The following CBR4 variants were observed in gnomAD, a reference collection of about 807,000 sequenced individuals.
CBR4 encodes 3-oxoacyl-[acyl-carrier-protein] reductase.
CBR4 carries 22 observed loss-of-function variants against 21.0 expected under a neutral mutation model. The observed-to-expected ratio is 1.05, with a 90% CI of 0.75 to 1.50. CBR4 has a LOEUF of 1.50. Ranked by LOEUF, CBR4 falls within the 40% of genes most tolerant of loss-of-function variation. CBR4 has a pLI of 0.00. For missense variants in CBR4, 302 were observed against 286.3 expected, an observed-to-expected ratio of 1.05 and a Z score of -0.40; for synonymous variants, 100 against 104.4, an observed-to-expected ratio of 0.96 and a Z score of 0.26.
rs139652463 is a variant in CBR4, at chr4:168,898,961, C to T, written n.170-4196G>A. Among the ~76,000 whole-genome samples, 740 of 152,250 alleles carry T rather than the reference C, an allele frequency of 4.9e-3. 6 individuals carry two copies. Among genetic ancestry groups the T allele is most frequent in the Admixed American group, 5.5e-3 (84 of 15,296 alleles). On this transcript the variant is annotated intron_variant and non_coding_transcript_variant, in intron 2 of 3. Transcript: ENST00000509108. ...TAACTAACAGGGAGCTCTTCACACA[C>T]CTATATCATTTATTCCTCGTTGTTA...
Position 168,898,539 on chromosome 4 carries a change from A to G in CBR4, n.170-3774T>C, listed in dbSNP as rs755097177. 6.2e-7 allele frequency: 1 copy of G among 1,613,908 alleles called. No individual in the cohort carries two copies. The highest frequency in any genetic ancestry group is 1.7e-4 in the Middle Eastern group (1 of 6,060). ...GAACAGAGACTCATCAGTGAAATAG[A>G]GTACAGGCTAGAAAGGTCTCCTGTG... On this transcript the variant is annotated intron_variant and non_coding_transcript_variant, in intron 2 of 3. Transcript: ENST00000509108.
intron 4 of CBR4, among the ~76,000 whole-genome samples, chr4:168,997,369 G>A (rs1281227333): frequency 6.6e-6 from 1 of 152,188 alleles, no homozygotes; most frequent in Non-Finnish European, 1.5e-5. Context: ...GAACTCTTTA[G>A]GAACAGGGAC....
intron 2 of CBR4, among the ~76,000 whole-genome samples, chr4:168,920,252 C>CCTAA (rs1216836432): frequency 6.6e-6 from 1 of 152,170 alleles, no homozygotes; most frequent in Non-Finnish European, 1.5e-5. Flanking sequence ...AGCCAAGCTG[C>CCTAA]CTAACTACTG....
intron 2 of CBR4, among the ~76,000 whole-genome samples, chr4:168,958,302 T>C (rs527368744): frequency 6.6e-6 from 1 of 152,238 alleles, no homozygotes; most frequent in South Asian, 2.1e-4. Flanking sequence ...AGGTATGTCC[T>C]TATAGTAGCA....
chr4:168,915,130 A>G (rs1047370060), intron 2 of CBR4, among the ~76,000 whole-genome samples: 1 of 152,216 alleles, frequency 6.6e-6, no homozygotes, highest in Non-Finnish European at 1.5e-5. Flanking sequence ...AGGGTAAACT[A>G]TATTAAAAAG....
At chr4:168,967,185 G>T (rs1764067373) in intron 2 of CBR4, among the ~76,000 whole-genome samples, 1 of 152,136 alleles carries the variant, frequency 6.6e-6, no homozygotes, top group South Asian at 2.1e-4. Flanking sequence ...CATAAAAAAG[G>T]ATGAGTTCAT....
In CBR4 at chr4:168,987,950, A is replaced by C. The variant is rs965696717; in HGVS notation, c.*2200T>G. On this transcript the variant is annotated 3_prime_UTR_variant, in exon 5 of 5. Transcript: ENST00000306193. ...AATTAATACATTGGCTTTACCTATA[A>C]ACCTTATTTTGTTAATGCTAAGCAC... The C allele has an allele frequency of 6.4e-5, 63 of 985,248 alleles. No individual in the cohort carries two copies. In the African/African-American group the frequency reaches 1.0e-3, roughly 16 times the overall value. The allele number at this position is 985,248 out of a possible 1,614,324, so 61.0% of individuals were successfully genotyped here.
intron 2 of CBR4, chr4:168,904,388 G>C (rs1757182748): frequency 6.2e-6 from 1 of 160,192 alleles, no homozygotes; most frequent in Admixed American, 5.9e-5. Flanking sequence ...AATTTTGATA[G>C]CATTCAGGTT....
intron 2 of CBR4, chr4:168,914,098 A>C: frequency 2.2e-6 from 2 of 894,882 alleles, no homozygotes; most frequent in Non-Finnish European, 3.7e-6. Context: ...TAGAATCATC[A>C]TATGACCACA....
chr4:168,974,835 G>A (rs999062125), intron 2 of CBR4, among the ~76,000 whole-genome samples: 13 of 151,294 alleles, frequency 8.6e-5, no homozygotes, highest in South Asian at 2.1e-4. Context: ...TCTTTAAGTC[G>A]GTTTTCACCT....
chr4:168,926,378 AC>A, intron 2 of CBR4: 1 of 1,536,684 alleles, frequency 6.5e-7, no homozygotes, highest in Non-Finnish European at 8.7e-7. Context: ...GAAAGTGAGG[AC>A]CTGTAATCCA....
At chr4:169,009,460 AG>A (rs959262283) in intron 1 of CBR4, among the ~76,000 whole-genome samples, 144 of 152,374 alleles carry the variant, frequency 9.5e-4, no homozygotes, top group African/African-American at 3.3e-3. Flanking sequence ...GCATTCGCGC[AG>A]GGCCAAGGCA....
chr4:168,918,393 A>T (rs1760707929), intron 2 of CBR4, among the ~76,000 whole-genome samples: 1 of 152,006 alleles, frequency 6.6e-6, no homozygotes, highest in Non-Finnish European at 1.5e-5. Flanking sequence ...GACAACATGG[A>T]TGAACCTGGA....
intron 2 of CBR4, among the ~76,000 whole-genome samples, chr4:168,971,071 T>C (rs1233303312): frequency 2.0e-5 from 3 of 152,232 alleles, no homozygotes; most frequent in Non-Finnish European, 4.4e-5. Flanking sequence ...GTGGTTGTAC[T>C]AGTTTACATT....
rs376654786 is a variant in CBR4, at chr4:168,894,680, AC to A, written n.254del. On this transcript the variant is annotated non_coding_transcript_exon_variant, in exon 3 of 4. Coordinates refer to the CBR4 transcript ENST00000509108. ...CAGAAGAGGAAACAGCTAATCAGGT[AC>A]CATGTTGCTCTGGACTTCTTAGGGT... 2.2e-4 allele frequency: 353 copies of A among 1,612,738 alleles called. 2 individuals are homozygous for A. In the East Asian group the frequency reaches 5.9e-3, roughly 27 times the overall value.
chr4:168,980,168 G>A (rs1230911690), intron 2 of CBR4, among the ~76,000 whole-genome samples: 1 of 151,810 alleles, frequency 6.6e-6, no homozygotes. Flanking sequence ...AGTCTGGCTT[G>A]CCCCAGGGCT....
intron 2 of CBR4, among the ~76,000 whole-genome samples, chr4:168,935,262 C>A (rs1259464373): frequency 6.6e-6 from 1 of 152,208 alleles, no homozygotes; most frequent in Admixed American, 6.5e-5. Context: ...CACGCTTTTC[C>A]CACGGTTTTT....
At chr4:168,910,220 C>CTTTTTTT (rs70961563) in intron 2 of CBR4, among the ~76,000 whole-genome samples, 1 of 114,010 alleles carries the variant, frequency 8.8e-6, no homozygotes, top group Non-Finnish European at 1.8e-5. Flanking sequence ...AACCTGTTTA[C>CTTTTTTT]TTTTTTTTTT....
At chr4:168,969,444 T>C (rs1458293) in intron 2 of CBR4, among the ~76,000 whole-genome samples, 80,642 of 152,068 alleles carry the variant, frequency 0.53, 25,001 homozygotes, top group East Asian at 0.88. Flanking sequence ...GGTTATACAC[T>C]TCAAAATATA....
Sources: gnomAD v4.1 joint callset for allele counts (sites outside exome capture counted in the v4.1 genomes callset) on GRCh38, gnomAD v4.1.1 for gene constraint, MANE v1.5 for transcripts, NCBI Gene and HGNC (gene_info 2026-07-23, HGNC 2026-07-21) for gene names.